NRXN1: variants seen among roughly 807,000 people sequenced by gnomAD.
The protein encoded by NRXN1 is neurexin 1.
In NRXN1, 39 loss-of-function variants were observed where a neutral mutation model predicts 150.9. The observed-to-expected ratio is 0.26, with a 90% CI of 0.20 to 0.34. The LOEUF (loss-of-function observed/expected upper bound fraction) is 0.34. Ranked by LOEUF, NRXN1 falls within the 10% of genes least tolerant of loss-of-function variation. NRXN1 has a pLI of 1.00. For synonymous variants in NRXN1, 924 were observed against 757.0 expected, an observed-to-expected ratio of 1.22 and a Z score of -3.62; for missense variants, 1,815 against 1,949.9, an observed-to-expected ratio of 0.93 and a Z score of 1.30.
intron 17 of NRXN1, among the ~76,000 whole-genome samples, chr2:50,443,173 T>G (rs2086111337): frequency 6.6e-6 from 1 of 152,138 alleles, no homozygotes; most frequent in Non-Finnish European, 1.5e-5. Flanking sequence ...TTTATTTGTT[T>G]GTAAGATTAG....
intron 21 of NRXN1, among the ~76,000 whole-genome samples, chr2:50,002,114 G>A (rs1573338826): frequency 6.6e-6 from 1 of 152,018 alleles, no homozygotes; most frequent in East Asian, 1.9e-4. Context: ...CCAATTCTGT[G>A]ATTGTAGTCT....
At chr2:50,350,370 A>T (rs764332931) in intron 17 of NRXN1, among the ~76,000 whole-genome samples, 3 of 152,214 alleles carry the variant, frequency 2.0e-5, no homozygotes, top group Middle Eastern at 3.2e-3. Flanking sequence ...CAGCAAAGTC[A>T]CCAACGTAAA....
At chr2:50,246,937 C>T (rs1373575419) in intron 17 of NRXN1, among the ~76,000 whole-genome samples, 1 of 152,008 alleles carries the variant, frequency 6.6e-6, no homozygotes, top group Non-Finnish European at 1.5e-5. Context: ...AAATTATGTG[C>T]TTTTATTCAC....
At chr2:50,777,195 T>C (rs1002519971) in intron 5 of NRXN1, among the ~76,000 whole-genome samples, 1 of 152,166 alleles carries the variant, frequency 6.6e-6, no homozygotes, top group Non-Finnish European at 1.5e-5. Context: ...ATATATTGCT[T>C]AAATTAACGG....
chr2:50,405,933 C>T (rs948226843), intron 17 of NRXN1, among the ~76,000 whole-genome samples: 18 of 152,144 alleles, frequency 1.2e-4, no homozygotes, highest in African/African-American at 4.1e-4. Flanking sequence ...AACTCTGCAA[C>T]GCTAGATAAT....
chr2:51,002,642 A>C (rs1260231643), intron 2 of NRXN1, among the ~76,000 whole-genome samples: 1 of 151,906 alleles, frequency 6.6e-6, no homozygotes, highest in Non-Finnish European at 1.5e-5. Flanking sequence ...TTCTCTGTAA[A>C]TATAACCGAA....
At chr2:50,281,690 T>C (rs1432431310) in intron 17 of NRXN1, among the ~76,000 whole-genome samples, 2 of 152,136 alleles carry the variant, frequency 1.3e-5, no homozygotes. Flanking sequence ...TCCCAATTAA[T>C]TCACAAATTC....
At chr2:50,559,708 T>C (rs1296398141) in intron 8 of NRXN1, among the ~76,000 whole-genome samples, 4 of 152,196 alleles carry the variant, frequency 2.6e-5, no homozygotes, top group African/African-American at 4.8e-5. Flanking sequence ...TATGCACTTA[T>C]GTTAGAATAT....
At chr2:50,474,682 G>GAAAAA (rs1558794690) in intron 15 of NRXN1, among the ~76,000 whole-genome samples, 4 of 4,176 alleles carry the variant, frequency 9.6e-4, no homozygotes, top group East Asian at 7.0e-3. Flanking sequence ...CACAGAAATA[G>GAAAAA]CAAAAAAAAA....
At chr2:50,286,305 C>A (rs569613362) in intron 17 of NRXN1, among the ~76,000 whole-genome samples, 3 of 152,230 alleles carry the variant, frequency 2.0e-5, no homozygotes, top group East Asian at 3.9e-4. Context: ...CTCACTCCTA[C>A]CCCCTAGTAA....
chr2:50,381,522 AACACACACACACACAC>A (rs59726557), intron 17 of NRXN1, among the ~76,000 whole-genome samples: 100 of 128,608 alleles, frequency 7.8e-4, no homozygotes, highest in African/African-American at 1.7e-3. Context: ...CAGGCTTTTA[AACACACACACACACAC>A]ACACACACAC....
intron 5 of NRXN1, among the ~76,000 whole-genome samples, chr2:50,884,500 A>G (rs1233737668): frequency 2.0e-5 from 3 of 151,774 alleles, no homozygotes; most frequent in Non-Finnish European, 4.4e-5. Flanking sequence ...TTAGTTTTGA[A>G]GATCTATATG....
chr2:50,393,974 A>C (rs554173921), intron 17 of NRXN1, among the ~76,000 whole-genome samples: 1 of 152,302 alleles, frequency 6.6e-6, no homozygotes, highest in Non-Finnish European at 1.5e-5. Context: ...CACTATAAAT[A>C]AAACATCTGA....
At chr2:49,945,952 G>C (rs1672820115) in intron 21 of NRXN1, among the ~76,000 whole-genome samples, 1 of 152,138 alleles carries the variant, frequency 6.6e-6, no homozygotes, top group African/African-American at 2.4e-5. Flanking sequence ...AGATCCTTGA[G>C]GAATCACCAC....
intron 5 of NRXN1, among the ~76,000 whole-genome samples, chr2:50,809,928 A>G (rs1202942851): frequency 1.3e-5 from 2 of 152,190 alleles, no homozygotes; most frequent in African/African-American, 4.8e-5. Flanking sequence ...TATAAAAAAT[A>G]CCATTGTGTT....
rs565830627 is a variant in NRXN1 at position 50,373,022 on chromosome 2, T to C, written c.3364+92420A>G. Among the ~76,000 whole-genome samples the C allele has an allele frequency of 3.3e-5, 5 of 152,216 alleles. No individual in the cohort carries two copies. The South Asian group carries it at 1.0e-3, about 32-fold the overall frequency. On this transcript the variant is annotated intron_variant, in intron 17 of 22. Coordinates refer to ENST00000401669, the MANE Select transcript of NRXN1 (RefSeq NM_001330078.2). ...CACTCCACAACACCATTGTTCCTTATAAAAGACATTGAGCATTGCTATACC... is the reference window on the plus strand; with the variant it reads ...CACTCCACAACACCATTGTTCCTTACAAAAGACATTGAGCATTGCTATACC...
chr2:50,845,770 C>A (rs553855175), intron 5 of NRXN1, among the ~76,000 whole-genome samples: 3 of 152,154 alleles, frequency 2.0e-5, no homozygotes, highest in African/African-American at 7.2e-5. Flanking sequence ...TGCTTACCTC[C>A]CTCCCCACCA....
intron 17 of NRXN1, among the ~76,000 whole-genome samples, chr2:50,456,879 A>G (rs1385436899): frequency 1.3e-5 from 2 of 152,140 alleles, no homozygotes; most frequent in African/African-American, 2.4e-5. Flanking sequence ...ACAACTGTAT[A>G]AAGAATAAAC....
chr2:50,132,306 CTTTTTTTT>C (rs71401059), intron 18 of NRXN1, among the ~76,000 whole-genome samples: 1 of 139,360 alleles, frequency 7.2e-6, no homozygotes, highest in Non-Finnish European at 1.5e-5. Flanking sequence ...TCCCAAAACT[CTTTTTTTT>C]TTTTTTTTTA....
Sources: allele counts gnomAD v4.1 joint callset (sites outside exome capture counted in the v4.1 genomes callset), GRCh38; gene constraint gnomAD v4.1.1; transcripts MANE v1.5; gene names NCBI Gene and HGNC (gene_info 2026-07-23, HGNC 2026-07-21).